The following CERS6 variants were observed in gnomAD, a reference collection of about 807,000 sequenced individuals.
CERS6 encodes ceramide synthase 6.
Under a neutral mutation model 56.8 loss-of-function variants are expected in CERS6, and 26 were observed. The ratio of observed to expected loss-of-function variants is 0.46; its 90% CI spans 0.34 to 0.63. The LOEUF (loss-of-function observed/expected upper bound fraction) is 0.63. Ranked by LOEUF, CERS6 falls within the 30% of genes least tolerant of loss-of-function variation. The pLI is 0.01. For missense variants in CERS6, 415 were observed against 467.5 expected (o/e 0.89, Z 1.04); for synonymous variants, 164 against 173.3 (o/e 0.95, Z 0.42).
chr2:168,740,464 T>G (rs920889365), intron 8 of CERS6, among the ~76,000 whole-genome samples: 2 of 152,216 alleles, frequency 1.3e-5, no homozygotes, highest in Non-Finnish European at 2.9e-5. Flanking sequence ...TCCTTGCCCT[T>G]ATGAAGCTTT....
intron 1 of CERS6, among the ~76,000 whole-genome samples, chr2:168,496,214 A>C (rs967095965): frequency 3.9e-5 from 6 of 152,226 alleles, no homozygotes; most frequent in African/African-American, 1.4e-4. Context: ...TGTTTCTAGT[A>C]TCTTCCTATA....
Position 168,643,682 on chromosome 2 carries a change from C to A in CERS6, c.465+12640C>A, listed in dbSNP as rs150670320. Among the ~76,000 whole-genome samples, 756 of 152,210 alleles carry A rather than the reference C, an allele frequency of 5.0e-3. 5 individuals carry two copies. Among genetic ancestry groups the A allele is most frequent in the Non-Finnish European group, 8.2e-3 (556 of 67,988 alleles). On this transcript the variant is annotated intron_variant, in intron 4 of 9. Transcript: ENST00000305747. Reference sequence around the variant, plus strand: ...GGAGAATTCCTTTCCTTGCGTTTTTCGGCTCACAGTGGCTGCCTGTATTCC... The same window carrying A: ...GGAGAATTCCTTTCCTTGCGTTTTTAGGCTCACAGTGGCTGCCTGTATTCC...
intron 4 of CERS6, among the ~76,000 whole-genome samples, chr2:168,686,280 C>A (rs891342857): frequency 2.0e-5 from 3 of 151,292 alleles, no homozygotes; most frequent in African/African-American, 7.3e-5. Flanking sequence ...CTCTTCCTCT[C>A]CTTGTAACGC....
chr2:168,675,544 C>A (rs111726625), intron 4 of CERS6, among the ~76,000 whole-genome samples: 10,737 of 152,092 alleles, frequency 0.071, 559 homozygotes, highest in African/African-American at 0.15. Flanking sequence ...CAAGATCATG[C>A]CACTGCATTG....
chr2:168,519,925 T>G (rs1318202651), intron 1 of CERS6, among the ~76,000 whole-genome samples: 1 of 152,214 alleles, frequency 6.6e-6, no homozygotes, highest in Non-Finnish European at 1.5e-5. Context: ...ATGATTTATT[T>G]TCTTTTGGGT....
rs892017039 is a variant in CERS6 at position 168,715,136 on chromosome 2, G to A, written c.738+7G>A. 6 of 1,601,798 alleles carry A rather than the reference G, an allele frequency of 3.7e-6. No individual in the cohort carries two copies. The African/African-American group carries it at 8.1e-5, about 22-fold the overall frequency. ...AGCTGATGCTCTTCTGGAGGTAAAA[G>A]TTTTCTTTCATCTTTAAGAATACAA... On this transcript the variant is annotated splice_region_variant and intron_variant, in intron 7 of 9. Transcript: ENST00000305747.
intron 3 of CERS6, among the ~76,000 whole-genome samples, chr2:168,564,246 G>C (rs1695844509): frequency 6.6e-6 from 1 of 152,158 alleles, no homozygotes; most frequent in African/African-American, 2.4e-5. Flanking sequence ...CCAACTGGCA[G>C]TTCTAATTTG....
Position 168,770,276 on chromosome 2 carries a change from G to A in CERS6, c.*614G>A, listed in dbSNP as rs1199566233. 1 of 152,306 alleles carries A rather than the reference G, an allele frequency of 6.6e-6. No individual in the cohort carries two copies. The highest frequency in any genetic ancestry group is 2.4e-5 in the African/African-American group (1 of 41,430). 9.4% of individuals were successfully genotyped at this position (152,306 alleles called of 1,614,324 possible). On this transcript the variant is annotated 3_prime_UTR_variant, in exon 10 of 10. Transcript: ENST00000305747. ...TGGTTATTGGAGAACTTTTTTGAAT[G>A]GTTTTGTATTAAATTGCTTTGAAAT...
intron 1 of CERS6, among the ~76,000 whole-genome samples, chr2:168,523,194 T>C (rs1253803893): frequency 1.3e-5 from 2 of 152,194 alleles, no homozygotes; most frequent in Non-Finnish European, 2.9e-5. Flanking sequence ...GTTTTGTCCT[T>C]AAGCTTGTCA....
intron 1 of CERS6, among the ~76,000 whole-genome samples, chr2:168,522,487 G>A (rs1381273312): frequency 3.3e-5 from 5 of 151,960 alleles, no homozygotes; most frequent in Admixed American, 3.3e-4. Context: ...TAAGCTAAAA[G>A]TGTTAGCATT....
chr2:168,616,677 G>T (rs545951401), intron 3 of CERS6, among the ~76,000 whole-genome samples: 11 of 152,198 alleles, frequency 7.2e-5, no homozygotes, highest in African/African-American at 2.6e-4. Context: ...TTGTCCAACA[G>T]GAAAATGTCA....
intron 4 of CERS6, 47 bp from the exon 5 acceptor site, chr2:168,690,987 T>C (rs1686485161): frequency 6.5e-7 from 1 of 1,542,546 alleles, no homozygotes; most frequent in Non-Finnish European, 9.0e-7. Context: ...TTTATCCTCT[T>C]ATCCATGTTC....
chr2:168,746,775 G>GTATATATATATATATATA (rs71003053), intron 8 of CERS6, among the ~76,000 whole-genome samples: 1 of 39,034 alleles, frequency 2.6e-5, no homozygotes, highest in Non-Finnish European at 5.4e-5. Flanking sequence ...AGGGTAAAGG[G>GTATATATATATATATATA]TATATATATA....
In CERS6 at chr2:168,663,617, A is replaced by G. The variant is rs141243412; in HGVS notation, c.466-27417A>G. The stretch of plus-strand genomic sequence containing the variant: ...CTAAAATTGGGTTGATTTCTTTACT[A>G]TCATTCATATACATATTGTATCGTT... On this transcript the variant is annotated intron_variant, in intron 4 of 9. Transcript: ENST00000305747. 3.3e-3 allele frequency among the ~76,000 whole-genome samples: 508 copies of G among 152,290 alleles called. 5 individuals carry two copies. Among genetic ancestry groups the G allele is most frequent in the African/African-American group, 0.012 (496 of 41,556 alleles).
At chr2:168,643,265 A>G (rs1253916700) in intron 4 of CERS6, among the ~76,000 whole-genome samples, 1 of 152,228 alleles carries the variant, frequency 6.6e-6, no homozygotes, top group Non-Finnish European at 1.5e-5. Context: ...CTTGTGAATT[A>G]TAAAAAAAAC....
chr2:168,526,433 A>T (rs1695073374), intron 1 of CERS6, among the ~76,000 whole-genome samples: 1 of 152,252 alleles, frequency 6.6e-6, no homozygotes, highest in African/African-American at 2.4e-5. Context: ...AAAGCTGGTT[A>T]TTAATAGCTC....
At chr2:168,649,388 A>G (rs982719516) in intron 4 of CERS6, among the ~76,000 whole-genome samples, 2 of 152,280 alleles carry the variant, frequency 1.3e-5, no homozygotes, top group South Asian at 2.1e-4. Context: ...TCTCAGCGTG[A>G]AGTCAACCCC....
At chr2:168,633,976 G>A (rs1461780027) in intron 4 of CERS6, among the ~76,000 whole-genome samples, 1 of 152,176 alleles carries the variant, frequency 6.6e-6, no homozygotes, top group Non-Finnish European at 1.5e-5. Flanking sequence ...TACATGTGCT[G>A]TTAGAAGAAT....
rs568901233 is a variant in CERS6 at position 168,745,521 on chromosome 2, G to A, written c.846-20071G>A. On this transcript the variant is annotated intron_variant, in intron 8 of 9. Coordinates refer to ENST00000305747, the MANE Select transcript of CERS6 (RefSeq NM_203463.3). Reference sequence around the variant, plus strand: ...CTCCCTAAGTGCTGGGATTACAGGCGTGAACCACTGCGCCTGGCCAAATAT... The same window carrying A: ...CTCCCTAAGTGCTGGGATTACAGGCATGAACCACTGCGCCTGGCCAAATAT... 2.4e-4 allele frequency among the ~76,000 whole-genome samples: 37 copies of A among 152,220 alleles called. 1 individual carries two copies. The highest frequency in any genetic ancestry group is 6.2e-4 in the South Asian group (3 of 4,820).
Sources: gnomAD v4.1 joint callset for allele counts (sites outside exome capture counted in the v4.1 genomes callset) on GRCh38, gnomAD v4.1.1 for gene constraint, MANE v1.5 for transcripts, NCBI Gene and HGNC (gene_info 2026-07-23, HGNC 2026-07-21) for gene names.